The following GOLGB1 variants were observed in gnomAD, a reference collection of about 807,000 sequenced individuals.
GOLGB1 encodes golgin B1.
In GOLGB1, 174 loss-of-function variants were observed where a neutral mutation model predicts 336.9. The observed-to-expected ratio is 0.52, with a 90% CI of 0.46 to 0.59. The LOEUF (loss-of-function observed/expected upper bound fraction) is 0.59. Among genes scored for constraint, GOLGB1 ranks in the 20% least tolerant of loss-of-function variants. The pLI is 0.00. For synonymous variants in GOLGB1, 1,208 were observed against 1,289.2 expected (o/e 0.94, Z 1.35); for missense variants, 3,331 against 3,645.3 (o/e 0.91, Z 2.22).
chr3:121,721,662 A>C (rs1945209380), intron 6 of GOLGB1, among the ~76,000 whole-genome samples: 1 of 152,114 alleles, frequency 6.6e-6, no homozygotes, highest in Admixed American at 6.6e-5. Context: ...GTGCGTGGCC[A>C]ACCAAGAAAC....
intron 20 of GOLGB1, 113 bp downstream of exon 20, chr3:121,667,363 C>T: frequency 9.0e-7 from 1 of 1,115,110 alleles, no homozygotes; most frequent in Non-Finnish European, 1.3e-6. Flanking sequence ...ATTGCAGCAA[C>T]TACCTCAAGA....
At chr3:121,717,918 G>A (rs747521293) in intron 8 of GOLGB1, among the ~76,000 whole-genome samples, 2 of 152,076 alleles carry the variant, frequency 1.3e-5, no homozygotes, top group Non-Finnish European at 2.9e-5. Flanking sequence ...CATATACATC[G>A]TATACACATA....
chr3:121,715,333 G>GC (rs919507010), intron 9 of GOLGB1, among the ~76,000 whole-genome samples: 2 of 149,260 alleles, frequency 1.3e-5, no homozygotes, highest in African/African-American at 4.9e-5. Context: ...CTTCCAAGTA[G>GC]CCAGGATTAC....
At chr3:121,715,031 T>C (rs1401922966) in intron 9 of GOLGB1, 55 bp from the exon 10 acceptor site, 1 of 937,642 alleles carries the variant, frequency 1.1e-6, no homozygotes, top group East Asian at 2.4e-5. Flanking sequence ...GAAATGTAGT[T>C]ATTATTATCT....
Position 121,691,067 on chromosome 3 carries a change from T to C in GOLGB1, c.8297A>G (p.Tyr2766Cys), listed in dbSNP as rs970457516. Residue 2766 changes from tyrosine to cysteine, a missense_variant, in exon 14 of 22, where the codon TAT (tyrosine) becomes TGT (cysteine). Physicochemically the swap from Tyr to Cys is radical, Grantham distance 194. Coordinates refer to ENST00000614479, the MANE Select transcript of GOLGB1 (RefSeq NM_001366282.2). ...TGCCAATTCCTTCAGACTGGCATCA[T>C]ATTTCCTTTTCAGTTCATCAAGTTC... ...NEELDELKRK[Y>C]DASLKELAQL... 6.8e-6 allele frequency: 11 copies of C among 1,613,994 alleles called. No individual in the cohort carries two copies. Among genetic ancestry groups the C allele is most frequent in the Admixed American group, 3.3e-5 (2 of 60,008 alleles).
intron 7 of GOLGB1, among the ~76,000 whole-genome samples, chr3:121,719,179 G>A (rs901848535): frequency 6.6e-6 from 1 of 152,122 alleles, no homozygotes; most frequent in Admixed American, 6.5e-5. Flanking sequence ...AGTAGATGGT[G>A]AACTCAAATA....
chr3:121,676,771 GA>G (rs1284699989), intron 17 of GOLGB1, 121 bp downstream of exon 17: 1 of 848,318 alleles, frequency 1.2e-6, no homozygotes, highest in Non-Finnish European at 1.9e-6. Context: ...TGAGAAAGGT[GA>G]AACTTCTGTA....
In GOLGB1 at chr3:121,692,432, T is replaced by C. The variant is rs957629658; in HGVS notation, c.6932A>G (p.Glu2311Gly). 6.2e-7 allele frequency: 1 copy of C among 1,613,928 alleles called. No homozygotes were observed. Among genetic ancestry groups the C allele is most frequent in the Non-Finnish European group, 8.5e-7 (1 of 1,179,996 alleles). ...TRHLYHSSQN[E>G]LAKLESELKS... ...AAGTTCTGATTCCAACTTAGCTAAT[T>C]CATTCTGAGAACTGTGGTATAGGTG... The change falls in exon 14 of 22, where the codon GAA becomes GGA. Residue 2311 changes from glutamate (E) to glycine (G), a missense_variant. Coordinates refer to ENST00000614479, the MANE Select transcript of GOLGB1 (RefSeq NM_001366282.2).
At chr3:121,703,718 A>G (rs1943585794) in intron 10 of GOLGB1, among the ~76,000 whole-genome samples, 1 of 152,230 alleles carries the variant, frequency 6.6e-6, no homozygotes, top group Non-Finnish European at 1.5e-5. Flanking sequence ...TTGAGAACAA[A>G]ACACGACATC....
chr3:121,675,534 T>C (rs1576281813), intron 17 of GOLGB1, among the ~76,000 whole-genome samples: 1 of 152,122 alleles, frequency 6.6e-6, no homozygotes, highest in Non-Finnish European at 1.5e-5. Context: ...CATGGATGAA[T>C]CTCACAAAAT....
At chr3:121,714,084 G>A (rs1353737212) in intron 10 of GOLGB1, among the ~76,000 whole-genome samples, 2 of 152,208 alleles carry the variant, frequency 1.3e-5, no homozygotes, top group Non-Finnish European at 2.9e-5. Flanking sequence ...TCGAGAATGG[G>A]AGAACAGAAG....
chr3:121,704,403 G>A (rs1248839944), intron 10 of GOLGB1, among the ~76,000 whole-genome samples: 1 of 152,148 alleles, frequency 6.6e-6, no homozygotes, highest in Non-Finnish European at 1.5e-5. Flanking sequence ...TTTACATACA[G>A]AGAAACAATA....
chr3:121,746,571 G>A (rs570850859), intron 1 of GOLGB1, among the ~76,000 whole-genome samples: 31 of 152,048 alleles, frequency 2.0e-4, no homozygotes, highest in Non-Finnish European at 4.1e-4. Flanking sequence ...TCTGCCTCCT[G>A]GGTTCAAGCG....
rs751380312 is a variant in GOLGB1 at position 121,691,617 on chromosome 3, C to T, written c.7747G>A (p.Glu2583Lys). Residue 2583 changes from glutamate to lysine, a missense_variant, in exon 14 of 22, where the codon GAA becomes AAA. Coordinates refer to ENST00000614479, the MANE Select transcript of GOLGB1 (RefSeq NM_001366282.2). ...AGATCCTCATTTGCTTCCTCAGATT[C>T]CTTCAGCTTTTCTTCTAATTTAGCA... ...KYAKLEEKLKESEEANEDLRR... is the reference protein window; with the variant it reads ...KYAKLEEKLKKSEEANEDLRR... 6.2e-7 allele frequency: 1 copy of T among 1,613,582 alleles called. No individual in the cohort carries two copies. The highest frequency in any genetic ancestry group is 2.2e-5 in the East Asian group (1 of 44,880).
At chr3:121,686,664 T>C (rs1052423197) in intron 14 of GOLGB1, among the ~76,000 whole-genome samples, 6 of 150,936 alleles carry the variant, frequency 4.0e-5, no homozygotes, top group African/African-American at 1.5e-4. Flanking sequence ...ATTAAACATA[T>C]ACACACACAC....
chr3:121,679,165 T>C (rs1940772775), intron 15 of GOLGB1, among the ~76,000 whole-genome samples: 1 of 152,052 alleles, frequency 6.6e-6, no homozygotes, highest in Non-Finnish European at 1.5e-5. Context: ...AATCAGAAAA[T>C]CAGAAATACT....
At chr3:121,711,350 A>T (rs1354144970) in intron 10 of GOLGB1, among the ~76,000 whole-genome samples, 1 of 152,110 alleles carries the variant, frequency 6.6e-6, no homozygotes, top group African/African-American at 2.4e-5. Flanking sequence ...AAAAAAACTA[A>T]GAGAAAAATT....
chr3:121,671,246 A>G (rs1000799304), intron 17 of GOLGB1, among the ~76,000 whole-genome samples: 31 of 152,200 alleles, frequency 2.0e-4, no homozygotes, highest in African/African-American at 7.2e-4. Context: ...ATAGGAGGGA[A>G]CAATTTAGAC....
chr3:121,734,259 G>A (rs1027023756), intron 1 of GOLGB1, among the ~76,000 whole-genome samples: 8 of 151,900 alleles, frequency 5.3e-5, no homozygotes, highest in Non-Finnish European at 8.8e-5. Flanking sequence ...GCATGATGGC[G>A]CATGCCTGTA....
Sources: allele counts gnomAD v4.1 joint callset (sites outside exome capture counted in the v4.1 genomes callset), GRCh38; gene constraint gnomAD v4.1.1; transcripts MANE v1.5; gene names NCBI Gene and HGNC (gene_info 2026-07-23, HGNC 2026-07-21).